RASSF3: variants seen among roughly 807,000 people sequenced by gnomAD.
The protein encoded by RASSF3 is ras association domain-containing protein 3.
Under a neutral mutation model 19.9 loss-of-function variants are expected in RASSF3, and 19 were observed. The observed-to-expected ratio is 0.96, with a 90% CI of 0.67 to 1.40. The LOEUF (loss-of-function observed/expected upper bound fraction) is 1.40, where lower values mean the gene tolerates loss of function less well. Among genes scored for constraint, RASSF3 ranks in the 40% most tolerant of loss-of-function variants. The probability of loss-of-function intolerance (pLI) is 0.00; values close to 1 mark genes in which losing one functional copy is unlikely to be tolerated. For synonymous variants in RASSF3, 110 were observed against 104.2 expected (o/e 1.06, Z -0.34); for missense variants, 306 against 289.8 (o/e 1.06, Z -0.41).
At chr12:64,642,619 GTTTTGTAA>G (rs1435652903) in intron 1 of RASSF3, among the ~76,000 whole-genome samples, 9 of 119,410 alleles carry the variant, frequency 7.5e-5, no homozygotes, top group African/African-American at 2.4e-4. Flanking sequence ...TTAATACAAA[GTTTTGTAA>G]TTAATTAATA....
At chr12:64,673,568 C>T (rs546403128) in intron 1 of RASSF3, among the ~76,000 whole-genome samples, 1 of 152,150 alleles carries the variant, frequency 6.6e-6, no homozygotes, top group Admixed American at 6.5e-5. Flanking sequence ...TGAGACAGAC[C>T]CCACAGAGAT....
intron 1 of RASSF3, among the ~76,000 whole-genome samples, chr12:64,517,908 G>A (rs1248989614): frequency 2.6e-5 from 4 of 151,944 alleles, no homozygotes; most frequent in Admixed American, 6.6e-5. Context: ...ATGAGCCACC[G>A]CATCCAGCTG....
chr12:64,596,892 G>C (rs1338510340), intron 2 of RASSF3, among the ~76,000 whole-genome samples: 1 of 151,942 alleles, frequency 6.6e-6, no homozygotes, highest in Non-Finnish European at 1.5e-5. Context: ...ACCACACCCG[G>C]TTAATTTTGT....
chr12:64,648,438 A>G (rs1239494624), intron 1 of RASSF3, among the ~76,000 whole-genome samples: 1 of 152,124 alleles, frequency 6.6e-6, no homozygotes, highest in Non-Finnish European at 1.5e-5. Flanking sequence ...GAGCTATGGG[A>G]ATAGACAGAG....
At chr12:64,560,399 T>G (rs1363663586) in intron 2 of RASSF3, among the ~76,000 whole-genome samples, 1 of 152,146 alleles carries the variant, frequency 6.6e-6, no homozygotes, top group East Asian at 1.9e-4. Context: ...TATCACTTGG[T>G]GGGATGTCAA....
intron 2 of RASSF3, among the ~76,000 whole-genome samples, chr12:64,602,022 C>T (rs1016289494): frequency 1.2e-4 from 17 of 147,204 alleles, no homozygotes; most frequent in African/African-American, 4.3e-4. Flanking sequence ...GAGGCTGAGG[C>T]GGGAGAATGG....
At chr12:64,668,656 T>C (rs1872600714) in intron 1 of RASSF3, among the ~76,000 whole-genome samples, 1 of 151,450 alleles carries the variant, frequency 6.6e-6, no homozygotes, top group African/African-American at 2.4e-5. Context: ...GGGTGGGACT[T>C]GGATGTTGAC....
chr12:64,633,203 G>T (rs1309138015), intron 1 of RASSF3, among the ~76,000 whole-genome samples: 1 of 152,218 alleles, frequency 6.6e-6, no homozygotes. Flanking sequence ...TATGTTTTGA[G>T]TGTGGTGACA....
intron 3 of RASSF3, among the ~76,000 whole-genome samples, chr12:64,688,993 A>G (rs1185165791): frequency 6.6e-6 from 1 of 152,140 alleles, no homozygotes; most frequent in African/African-American, 2.4e-5. Context: ...ACGCCGGGAC[A>G]TTTTGGTACT....
At chr12:64,560,891 A>G (rs1182094137) in intron 2 of RASSF3, among the ~76,000 whole-genome samples, 1 of 152,262 alleles carries the variant, frequency 6.6e-6, no homozygotes, top group Non-Finnish European at 1.5e-5. Context: ...GGAGACTCTC[A>G]GGCTGCAGTC....
In RASSF3 at chr12:64,534,835, C is replaced by T. The variant is rs536239436; in HGVS notation, c.67+1501C>T. Among the ~76,000 whole-genome samples the T allele has an allele frequency of 2.6e-5, 4 of 152,240 alleles. No homozygotes were observed. In the East Asian group the frequency reaches 7.7e-4, roughly 29 times the overall value. On this transcript the variant is annotated intron_variant, in intron 1 of 1. Coordinates refer to the RASSF3 transcript ENST00000636333. ...CTAAGCTATGGAAAATGTTGCCAGGCTGTGTGTTTGCCACGTGACCATCTT... is the reference window on the plus strand; with the variant it reads ...CTAAGCTATGGAAAATGTTGCCAGGTTGTGTGTTTGCCACGTGACCATCTT...
chr12:64,634,349 T>C (rs1871259725), intron 1 of RASSF3, among the ~76,000 whole-genome samples: 1 of 152,034 alleles, frequency 6.6e-6, no homozygotes, highest in African/African-American at 2.4e-5. Context: ...AAATTCATTT[T>C]TTCATAGAAA....
At chr12:64,596,003 C>T (rs1869993829) in intron 2 of RASSF3, among the ~76,000 whole-genome samples, 1 of 152,172 alleles carries the variant, frequency 6.6e-6, no homozygotes, top group African/African-American at 2.4e-5. Context: ...ATCACCTGAC[C>T]TAACTTGTTT....
intron 2 of RASSF3, among the ~76,000 whole-genome samples, chr12:64,598,716 G>A (rs1870036499): frequency 6.6e-6 from 1 of 151,738 alleles, no homozygotes; most frequent in Non-Finnish European, 1.5e-5. Context: ...TCCTAAAGCT[G>A]TTGTCATGAG....
intron 2 of RASSF3, among the ~76,000 whole-genome samples, chr12:64,567,537 C>G (rs999700849): frequency 4.6e-5 from 7 of 152,134 alleles, no homozygotes; most frequent in Non-Finnish European, 7.3e-5. Flanking sequence ...CTCCACTGAC[C>G]GAACAGAGAC....
Position 64,603,427 on chromosome 12 carries a change from C to T in RASSF3, c.294+61722C>T, listed in dbSNP as rs561669295. On this transcript the variant is annotated intron_variant, in intron 2 of 5. Transcript: ENST00000637125. The stretch of plus-strand genomic sequence containing the variant: ...ACTATGGGGTTTATCTTGCAGTCCT[C>T]GTACCAGGTAGTGCCCTTTGCACAA... 5.3e-5 allele frequency among the ~76,000 whole-genome samples: 8 copies of T among 152,246 alleles called. No individual in the cohort carries two copies. The East Asian group carries it at 1.2e-3, about 22-fold the overall frequency.
intron 2 of RASSF3, among the ~76,000 whole-genome samples, chr12:64,687,912 AC>A (rs1385374931): frequency 6.6e-6 from 1 of 152,138 alleles, no homozygotes; most frequent in Non-Finnish European, 1.5e-5. Flanking sequence ...TCGCAAATGG[AC>A]CCTGACCTTT....
intron 1 of RASSF3, among the ~76,000 whole-genome samples, chr12:64,626,966 A>T (rs755742030): frequency 6.6e-6 from 1 of 152,136 alleles, no homozygotes; most frequent in Non-Finnish European, 1.5e-5. Context: ...TTAATTTTGG[A>T]TCTGTTATTT....
At chr12:64,597,741 C>T (rs979284930) in intron 2 of RASSF3, among the ~76,000 whole-genome samples, 12 of 151,934 alleles carry the variant, frequency 7.9e-5, no homozygotes, top group African/African-American at 2.7e-4. Flanking sequence ...TACAGGCATG[C>T]GCCAACCACA....
Sources: gnomAD v4.1 joint callset for allele counts (sites outside exome capture counted in the v4.1 genomes callset) on GRCh38, gnomAD v4.1.1 for gene constraint, MANE v1.5 for transcripts, NCBI Gene and HGNC (gene_info 2026-07-23, HGNC 2026-07-21) for gene names.